The following AMTN variants were observed in gnomAD, a reference collection of about 807,000 sequenced individuals.
AMTN encodes RSTI689.
In AMTN, 29 loss-of-function variants were observed where a neutral mutation model predicts 27.4. The observed-to-expected ratio is 1.06, with a 90% CI of 0.79 to 1.44. The LOEUF (loss-of-function observed/expected upper bound fraction) is 1.44. Ranked by LOEUF, AMTN falls within the 40% of genes most tolerant of loss-of-function variation. The probability of loss-of-function intolerance (pLI) is 0.00; values close to 1 mark genes in which losing one functional copy is unlikely to be tolerated. For synonymous variants in AMTN, 86 were observed against 95.7 expected, an observed-to-expected ratio of 0.90 and a Z score of 0.59; for missense variants, 247 against 248.8, an observed-to-expected ratio of 0.99 and a Z score of 0.05.
At chr4:70,520,825 C>T (rs1735936691) in intron 2 of AMTN, among the ~76,000 whole-genome samples, 1 of 151,848 alleles carries the variant, frequency 6.6e-6, no homozygotes, top group East Asian at 1.9e-4. Context: ...GGTTTGGCCT[C>T]AATAAGAGGG....
At chr4:70,522,662 A>T (rs28754427) in intron 2 of AMTN, 93 bp from the exon 3 acceptor site, 533,486 of 1,120,808 alleles carry the variant, frequency 0.48, 132,775 homozygotes, top group Non-Finnish European at 0.52. Flanking sequence ...TAAAAGATAG[A>T]CATGTTTGCA....
At chr4:70,518,740 G>A (rs1735874854) in intron 1 of AMTN, 23 bp from the exon 2 acceptor site, 3 of 1,462,010 alleles carry the variant, frequency 2.1e-6, no homozygotes, top group Non-Finnish European at 9.5e-7. Context: ...ACATGGAAGA[G>A]TAACACTTTT....
chr4:70,528,740 C>T lies in AMTN; in HGVS notation c.312C>T (p.Val104=), dbSNP rs757490408. The change falls in exon 6 of 9, where the codon GTC becomes GTT. Residue 104 remains valine (V), a synonymous_variant. Coordinates refer to ENST00000339336, the MANE Select transcript of AMTN (RefSeq NM_212557.4). ...QLHPHVLPIF[V]TQLGAQGTIL... is the part of the protein sequence containing the mutation. ...TTTTTCAGGTGTTACCAATTTTTGT[C>T]ACACAACTTGGAGCCCAGGTAAAAA... 6.2e-7 allele frequency: 1 copy of T among 1,604,420 alleles called. No homozygotes were observed. The highest frequency in any genetic ancestry group is 8.5e-7 in the Non-Finnish European group (1 of 1,176,920).
At chr4:70,530,894 T>TC in intron 7 of AMTN, 145 bp from the exon 8 acceptor site, 1 of 1,093,312 alleles carries the variant, frequency 9.1e-7, no homozygotes, top group Non-Finnish European at 1.3e-6. Context: ...AGGGTGTATT[T>TC]CCCCTGAGGA....
intron 4 of AMTN, 133 bp from the exon 5 acceptor site, chr4:70,524,739 G>A (rs1736058655): frequency 1.3e-6 from 1 of 797,336 alleles, no homozygotes; most frequent in Non-Finnish European, 2.1e-6. Context: ...AAGTATACAT[G>A]CAATAGAACA....
chr4:70,518,885 C>A, intron 2 of AMTN, 54 bp downstream of exon 2: 1 of 1,401,590 alleles, frequency 7.1e-7, no homozygotes, highest in Non-Finnish European at 1.0e-6. Context: ...GCATCTCTAG[C>A]TGCAGACCTA....
At chr4:70,528,699 A>C in intron 5 of AMTN, 24 bp from the exon 6 acceptor site, 1 of 1,604,730 alleles carries the variant, frequency 6.2e-7, no homozygotes, top group Non-Finnish European at 8.5e-7. Flanking sequence ...TACTTTTGAA[A>C]GAGTTTTTCT....
chr4:70,528,070 G>C lies in AMTN; in HGVS notation c.295-653G>C, dbSNP rs142369588. On this transcript the variant is annotated intron_variant, in intron 5 of 8. Coordinates refer to ENST00000339336, the MANE Select transcript of AMTN (RefSeq NM_212557.4). ...TCGCGTGTTTTAATGTGTCTTCTGA[G>C]ATGCCATTTGAAAGAAATCTGTACA... Among the ~76,000 whole-genome samples, 19 of 152,274 alleles carry C rather than the reference G, an allele frequency of 1.2e-4. No individual in the cohort carries two copies. The East Asian group carries it at 3.5e-3, about 28-fold the overall frequency.
chr4:70,528,105 T>C (rs1005110762), intron 5 of AMTN, among the ~76,000 whole-genome samples: 1 of 152,216 alleles, frequency 6.6e-6, no homozygotes, highest in African/African-American at 2.4e-5. Context: ...ATTTTAACAT[T>C]ATTGTTACTT....
chr4:70,523,976 A>C, intron 4 of AMTN, 43 bp downstream of exon 4: 1 of 1,521,436 alleles, frequency 6.6e-7, no homozygotes, highest in Non-Finnish European at 9.1e-7. Context: ...TTGTGAAATA[A>C]ATATAATGCC....
chr4:70,528,814 ATT>A, intron 6 of AMTN, 56 bp downstream of exon 6: 1 of 1,445,256 alleles, frequency 6.9e-7, no homozygotes, highest in East Asian at 2.3e-5. Context: ...GTGAAAGGTG[ATT>A]TTCTTTCCTC....
In AMTN at chr4:70,532,487, T is replaced by C; in HGVS notation, c.*22T>C. ...GTAAGCTGTTTCAAATTTTTTCAAC[T>C]AAGCTGCCTCGAATTTGGTGATACA... is the stretch of plus-strand genomic sequence containing the variant. On this transcript the variant is annotated 3_prime_UTR_variant, in exon 9 of 9. Coordinates refer to ENST00000339336, the MANE Select transcript of AMTN (RefSeq NM_212557.4). 1 of 1,606,940 alleles carries C rather than the reference T, an allele frequency of 6.2e-7. No individual in the cohort carries two copies. The highest frequency in any genetic ancestry group is 1.3e-5 in the African/African-American group (1 of 74,806).
intron 2 of AMTN, among the ~76,000 whole-genome samples, chr4:70,521,373 C>T (rs1236373026): frequency 1.2e-5 from 1 of 85,300 alleles, no homozygotes; most frequent in African/African-American, 4.7e-5. Flanking sequence ...GAACAAGACT[C>T]CACTTAAAAA....
At position 70,525,986 on chromosome 4, in the gene AMTN, T is replaced by A. The variant is rs1000205647; in HGVS notation, c.294+1025T>A. On this transcript the variant is annotated intron_variant, in intron 5 of 8. Coordinates refer to ENST00000339336, the MANE Select transcript of AMTN (RefSeq NM_212557.4). ...GACTAAGTTGTTTGTAGATAACTTA[T>A]TCTCCCCAACATGTGACCTCGGCCC... Among the ~76,000 whole-genome samples the A allele has an allele frequency of 3.3e-4, 50 of 152,198 alleles. 1 individual carries two copies. Among genetic ancestry groups the A allele is most frequent in the African/African-American group, 1.1e-3 (46 of 41,466 alleles).
In AMTN at chr4:70,518,846, T is replaced by C. The variant is rs1438999571; in HGVS notation, c.54+15T>C. ...GGTCATTACCAGTAAGTATGTTATG[T>C]TTGTTTTATATGCCAGCCAGTTTCA... On this transcript the variant is annotated intron_variant, in intron 2 of 8. Coordinates refer to ENST00000339336, the MANE Select transcript of AMTN (RefSeq NM_212557.4). 7 of 1,603,318 alleles carry C rather than the reference T, an allele frequency of 4.4e-6. No homozygotes were observed. In the Admixed American group the frequency reaches 5.0e-5, roughly 11 times the overall value.
chr4:70,523,816 T>G, intron 3 of AMTN, 52 bp from the exon 4 acceptor site: 1 of 1,485,768 alleles, frequency 6.7e-7, no homozygotes, highest in Non-Finnish European at 9.4e-7. Flanking sequence ...ACTGACAGAG[T>G]AAGGGAAGCA....
chr4:70,531,309 T>A lies in AMTN; in HGVS notation c.619+9T>A, dbSNP rs757791135. 9 of 1,613,182 alleles carry A rather than the reference T, an allele frequency of 5.6e-6. No homozygotes were observed. The highest frequency in any genetic ancestry group is 7.6e-6 in the Non-Finnish European group (9 of 1,179,236). On this transcript the variant is annotated intron_variant, in intron 8 of 8. Transcript: ENST00000339336. ...CACAGAATCAGCAAATGGTAAATTCTCCTAGCTTGGAACATGCTTCTTGGC... is the reference window on the plus strand; with the variant it reads ...CACAGAATCAGCAAATGGTAAATTCACCTAGCTTGGAACATGCTTCTTGGC...
At chr4:70,523,396 G>A (rs1238256033) in intron 3 of AMTN, among the ~76,000 whole-genome samples, 1 of 152,108 alleles carries the variant, frequency 6.6e-6, no homozygotes, top group Non-Finnish European at 1.5e-5. Context: ...TTCCTCTGCT[G>A]TGAAGGGCCA....
Position 70,532,524 on chromosome 4 carries a change from A to G in AMTN, c.*59A>G. 1 of 1,461,376 alleles carries G rather than the reference A, an allele frequency of 6.8e-7. No homozygotes were observed. The highest frequency in any genetic ancestry group is 9.5e-7 in the Non-Finnish European group (1 of 1,047,840). 90.5% of individuals were successfully genotyped at this position (1,461,376 alleles called of 1,614,324 possible). ...AATTTGGTGATACATGTGAATCTTT[A>G]TCATTGATTATATTATGGAATAGAT... On this transcript the variant is annotated 3_prime_UTR_variant, in exon 9 of 9. Coordinates refer to ENST00000339336, the MANE Select transcript of AMTN (RefSeq NM_212557.4).
Sources: allele counts gnomAD v4.1 joint callset (sites outside exome capture counted in the v4.1 genomes callset), GRCh38; gene constraint gnomAD v4.1.1; transcripts MANE v1.5; gene names NCBI Gene and HGNC (gene_info 2026-07-23, HGNC 2026-07-21).